The following GAS2L3 variants were observed in gnomAD, a reference collection of about 807,000 sequenced individuals.
GAS2L3 encodes the protein growth arrest specific 2 like 3.
Under a neutral mutation model 37.0 loss-of-function variants are expected in GAS2L3, and 28 were observed. That is an observed-to-expected ratio of 0.76 (90% CI 0.56 to 1.04). The LOEUF (loss-of-function observed/expected upper bound fraction) is 1.04, where lower values mean the gene tolerates loss of function less well. Among genes scored for constraint, GAS2L3 ranks in the 50% least tolerant of loss-of-function variants. The probability of loss-of-function intolerance (pLI) is 0.00; values close to 1 mark genes in which losing one functional copy is unlikely to be tolerated. For missense variants in GAS2L3, 793 were observed against 817.6 expected (o/e 0.97, Z 0.37); for synonymous variants, 290 against 296.6 (o/e 0.98, Z 0.23).
At chr12:100,577,316 A>G (rs912855023) in intron 1 of GAS2L3, among the ~76,000 whole-genome samples, 6 of 152,194 alleles carry the variant, frequency 3.9e-5, no homozygotes, top group African/African-American at 1.4e-4. Flanking sequence ...TAGTGTTTAT[A>G]TATGTCCCCA....
chr12:100,612,535 T>C (rs1956139601), intron 6 of GAS2L3: 1 of 170,390 alleles, frequency 5.9e-6, no homozygotes, highest in Admixed American at 6.4e-5. Context: ...GTGTTTAGCT[T>C]TACCTTACAA....
intron 1 of GAS2L3, among the ~76,000 whole-genome samples, chr12:100,575,225 T>C (rs1231373530): frequency 6.6e-6 from 1 of 151,950 alleles, no homozygotes; most frequent in African/African-American, 2.4e-5. Flanking sequence ...GCTGTTTAAC[T>C]TAGACAAAAA....
chr12:100,589,853 G>A (rs1351714730), intron 1 of GAS2L3, among the ~76,000 whole-genome samples: 3 of 152,092 alleles, frequency 2.0e-5, no homozygotes, highest in South Asian at 2.1e-4. Context: ...AAATGGTGCC[G>A]GGATAATTGG....
In GAS2L3 at chr12:100,625,593, A is replaced by C. The variant is rs1956324606; in HGVS notation, c.*703A>C. 6.6e-6 allele frequency: 1 copy of C among 152,192 alleles called. No individual in the cohort carries two copies. Among genetic ancestry groups the C allele is most frequent in the African/African-American group, 2.4e-5 (1 of 41,454 alleles). The allele number at this position is 152,192 out of a possible 1,614,324, so 9.4% of individuals were successfully genotyped here. On this transcript the variant is annotated 3_prime_UTR_variant, in exon 10 of 10. Transcript: ENST00000547754. Reference sequence around the variant, plus strand: ...AAATTAACTTACTGAAATATAAACAAATTTTGTAAACAATTTTTTATATTA... The same window carrying C: ...AAATTAACTTACTGAAATATAAACACATTTTGTAAACAATTTTTTATATTA...
intron 2 of GAS2L3, chr12:100,592,478 C>T (rs553023113): frequency 1.1e-3 from 161 of 152,090 alleles, no homozygotes; most frequent in African/African-American, 3.7e-3. Flanking sequence ...ATTTTTGGGA[C>T]GAAGGATCGG....
At chr12:100,590,649 A>T (rs1181256546) in intron 1 of GAS2L3, among the ~76,000 whole-genome samples, 1 of 152,232 alleles carries the variant, frequency 6.6e-6, no homozygotes, top group Non-Finnish European at 1.5e-5. Flanking sequence ...CAATTGCAAA[A>T]TCATGGAAAC....
At chr12:100,613,782 G>A (rs1230929730) in intron 6 of GAS2L3, among the ~76,000 whole-genome samples, 1 of 151,938 alleles carries the variant, frequency 6.6e-6, no homozygotes, top group Non-Finnish European at 1.5e-5. Flanking sequence ...TTTTAGTAGA[G>A]GCTGGGTTAC....
Position 100,624,311 on chromosome 12 carries a change from G to T in GAS2L3, c.1506G>T (p.Leu502=). The T allele has an allele frequency of 6.2e-7, 1 of 1,614,006 alleles. No individual in the cohort carries two copies. The highest frequency in any genetic ancestry group is 1.7e-5 in the Admixed American group (1 of 59,996). Residue 502 remains leucine (L), a synonymous_variant, in exon 10 of 10, where the codon CTG becomes CTT. Coordinates refer to ENST00000547754, the MANE Select transcript of GAS2L3 (RefSeq NM_174942.3). ...HSNSSSKCPK[L]PKANIPVRPK... Reference sequence around the variant, plus strand: ...ATTCATCCTCAAAATGTCCCAAGCTGCCTAAAGCAAATATACCTGTAAGAC... The same window carrying T: ...ATTCATCCTCAAAATGTCCCAAGCTTCCTAAAGCAAATATACCTGTAAGAC...
At position 100,586,586 on chromosome 12, in the gene GAS2L3, T is replaced by C. The variant is rs577745110; in HGVS notation, c.-151-5150T>C. ...CTCTAGGATACAGCAAAGGCGGTGC[T>C]AAGAGGAAAGTTCATTGCCCCAAAC... is the stretch of plus-strand genomic sequence containing the variant. On this transcript the variant is annotated intron_variant, in intron 1 of 9. Coordinates refer to ENST00000547754, the MANE Select transcript of GAS2L3 (RefSeq NM_174942.3). Among the ~76,000 whole-genome samples the C allele has an allele frequency of 2.6e-5, 4 of 152,244 alleles. No homozygotes were observed. The South Asian group carries it at 8.3e-4, about 32-fold the overall frequency.
intron 3 of GAS2L3, among the ~76,000 whole-genome samples, chr12:100,596,726 T>C (rs1955917531): frequency 6.6e-6 from 1 of 152,094 alleles, no homozygotes; most frequent in Non-Finnish European, 1.5e-5. Context: ...TAAATAAACA[T>C]ATAAAAGCCA....
intron 5 of GAS2L3, among the ~76,000 whole-genome samples, chr12:100,605,875 GT>G (rs552242830): frequency 0.011 from 1,559 of 143,670 alleles, 23 homozygotes; most frequent in African/African-American, 0.035. Flanking sequence ...GTTATTTCAG[GT>G]TTTTTTTTTT....
Position 100,612,160 on chromosome 12 carries a change from A to G in GAS2L3, c.445+19A>G, listed in dbSNP as rs762761584. ...GGTTTAGGTAAGTGATGTTCTTGTC[A>G]TTCTTGTTTTTAATGCTTACTAGGA... On this transcript the variant is annotated intron_variant, in intron 6 of 9. Coordinates refer to ENST00000547754, the MANE Select transcript of GAS2L3 (RefSeq NM_174942.3). 1 of 1,608,532 alleles carries G rather than the reference A, an allele frequency of 6.2e-7. No homozygotes were observed.
At chr12:100,609,130 T>G (rs530968655) in intron 5 of GAS2L3, among the ~76,000 whole-genome samples, 1 of 152,248 alleles carries the variant, frequency 6.6e-6, no homozygotes, top group African/African-American at 2.4e-5. Flanking sequence ...TGGGGACCCC[T>G]CAGAGCTTGC....
intron 6 of GAS2L3, among the ~76,000 whole-genome samples, chr12:100,614,164 G>C (rs996954339): frequency 6.6e-6 from 1 of 151,536 alleles, no homozygotes; most frequent in African/African-American, 2.4e-5. Flanking sequence ...TAAAATGCAC[G>C]TAAAATTTAC....
chr12:100,578,830 A>T, intron 1 of GAS2L3: 2 of 687,340 alleles, frequency 2.9e-6, no homozygotes, highest in South Asian at 3.1e-5. Flanking sequence ...ACACACGTAG[A>T]ACCCATACCC....
At position 100,627,725 on chromosome 12, in the gene GAS2L3, CTCT is replaced by C. The variant is rs1416588499; in HGVS notation, c.*2840_*2842del. ...TGCTGAAGTTGGGAGAACTTTCCAT[CTCT>C]TCTTAATAACAGTGCAAGATTTTGT... On this transcript the variant is annotated 3_prime_UTR_variant, in exon 10 of 10. Transcript: ENST00000547754. The C allele has an allele frequency of 7.9e-5, 12 of 152,210 alleles. No homozygotes were observed. The highest frequency in any genetic ancestry group is 2.9e-4 in the African/African-American group (12 of 41,464). 9.4% of individuals were successfully genotyped at this position (152,210 alleles called of 1,614,324 possible).
At chr12:100,597,979 T>A (rs191636759) in intron 3 of GAS2L3, among the ~76,000 whole-genome samples, 2,282 of 152,176 alleles carry the variant, frequency 0.015, 59 homozygotes, top group African/African-American at 0.052. Flanking sequence ...TAAAAAAAAA[T>A]TTTAAAGCCA....
intron 5 of GAS2L3, among the ~76,000 whole-genome samples, chr12:100,605,156 G>A (rs963225210): frequency 6.6e-6 from 1 of 152,030 alleles, no homozygotes; most frequent in Non-Finnish European, 1.5e-5. Flanking sequence ...AATAGTTTGA[G>A]TAGGATTGCT....
intron 5 of GAS2L3, among the ~76,000 whole-genome samples, chr12:100,606,391 G>A (rs955544152): frequency 2.0e-5 from 3 of 152,058 alleles, no homozygotes; most frequent in Non-Finnish European, 4.4e-5. Flanking sequence ...CTTCATAGGT[G>A]AAGAGTGTTT....
Sources: allele counts gnomAD v4.1 joint callset (sites outside exome capture counted in the v4.1 genomes callset), GRCh38; gene constraint gnomAD v4.1.1; transcripts MANE v1.5; gene names NCBI Gene and HGNC (gene_info 2026-07-23, HGNC 2026-07-21).